IGF1R: variants seen among roughly 807,000 people sequenced by gnomAD.
IGF1R encodes the protein insulin-like growth factor 1 receptor.
A neutral mutation model predicts 144.6 loss-of-function variants in IGF1R; 44 were observed. The ratio of observed to expected loss-of-function variants is 0.30; its 90% confidence interval spans 0.24 to 0.39. IGF1R has a LOEUF of 0.39. Ranked by LOEUF, IGF1R falls within the 10% of genes least tolerant of loss-of-function variation. The probability of loss-of-function intolerance (pLI) is 1.00; values close to 1 mark genes in which losing one functional copy is unlikely to be tolerated. For missense variants in IGF1R, 1,355 were observed against 1,833.7 expected (o/e 0.74, Z 4.77); for synonymous variants, 795 against 722.8 (o/e 1.10, Z -1.60).
At chr15:98,710,741 A>G (rs1292091734) in intron 2 of IGF1R, among the ~76,000 whole-genome samples, 1 of 148,126 alleles carries the variant, frequency 6.8e-6, no homozygotes, top group East Asian at 2.0e-4. Flanking sequence ...ATCTCGGCTC[A>G]CTGCAACCTC....
At chr15:98,737,177 A>C (rs1401151686) in intron 2 of IGF1R, among the ~76,000 whole-genome samples, 1 of 152,120 alleles carries the variant, frequency 6.6e-6, no homozygotes, top group African/African-American at 2.4e-5. Flanking sequence ...CTTGTGTTTA[A>C]TTACTTCCTG....
intron 2 of IGF1R, among the ~76,000 whole-genome samples, chr15:98,850,043 CAT>C (rs775852014): frequency 3.3e-5 from 5 of 152,226 alleles, no homozygotes; most frequent in South Asian, 4.1e-4. Context: ...GCATTTACCC[CAT>C]AGACTTGCAC....
intron 1 of IGF1R, among the ~76,000 whole-genome samples, chr15:98,683,754 G>A (rs904451818): frequency 2.0e-5 from 3 of 152,084 alleles, no homozygotes; most frequent in African/African-American, 7.2e-5. Flanking sequence ...TTTTTAAGTT[G>A]GGAAAGGAAG....
Position 98,747,105 on chromosome 15 carries a change from G to A in IGF1R, c.640+38998G>A, listed in dbSNP as rs1446331606. ...TAAGTGCAGTGTAATGTAAAATCAA[G>A]CCGGCAACTCCAGCAATTTGCTCTT... On this transcript the variant is annotated intron_variant, in intron 2 of 20. Transcript: ENST00000650285. Among the ~76,000 whole-genome samples, 5 of 152,294 alleles carry A rather than the reference G, an allele frequency of 3.3e-5. No homozygotes were observed. In the South Asian group the frequency reaches 1.0e-3, roughly 32 times the overall value.
intron 1 of IGF1R, among the ~76,000 whole-genome samples, chr15:98,660,840 G>A (rs569728085): frequency 5.3e-5 from 8 of 152,248 alleles, no homozygotes; most frequent in Admixed American, 3.9e-4. Flanking sequence ...CATTGGCACC[G>A]ATTTATGTCT....
At chr15:98,802,653 A>T (rs1368684446) in intron 2 of IGF1R, among the ~76,000 whole-genome samples, 1 of 152,240 alleles carries the variant, frequency 6.6e-6, no homozygotes, top group African/African-American at 2.4e-5. Context: ...ATTTCTGTGG[A>T]CGTGCAAACA....
intron 2 of IGF1R, among the ~76,000 whole-genome samples, chr15:98,767,755 C>T (rs1156513241): frequency 1.3e-5 from 2 of 152,282 alleles, no homozygotes; most frequent in Non-Finnish European, 1.5e-5. Context: ...CATGTTGTTT[C>T]ATCTGACAGT....
At position 98,964,152 on chromosome 15, in the gene IGF1R, G is replaced by A; in HGVS notation, c.*6710G>A. Reference sequence around the variant, plus strand: ...GGGATAAAAAAAATCAAACCAGAAGGCGGGATGGAATGGATGCACCGCAAA... The same window carrying A: ...GGGATAAAAAAAATCAAACCAGAAGACGGGATGGAATGGATGCACCGCAAA... On this transcript the variant is annotated 3_prime_UTR_variant, in exon 21 of 21. Coordinates refer to ENST00000650285, the MANE Select transcript of IGF1R (RefSeq NM_000875.5). 1 of 232,838 alleles carries A rather than the reference G, an allele frequency of 4.3e-6. No individual in the cohort carries two copies. The highest frequency in any genetic ancestry group is 8.5e-6 in the Non-Finnish European group (1 of 117,694). The allele number at this position is 232,838 out of a possible 1,614,324, so 14.4% of individuals were successfully genotyped here. A position where few individuals can be genotyped will look rare whatever the true frequency, so the allele number is the denominator to read the frequency against.
intron 2 of IGF1R, among the ~76,000 whole-genome samples, chr15:98,751,901 C>T (rs546444796): frequency 6.6e-6 from 1 of 152,272 alleles, no homozygotes; most frequent in African/African-American, 2.4e-5. Flanking sequence ...CCACCCTTTC[C>T]CTTCCCCAGC....
intron 13 of IGF1R, among the ~76,000 whole-genome samples, chr15:98,926,696 G>A (rs1176396099): frequency 1.3e-5 from 2 of 152,188 alleles, no homozygotes; most frequent in Non-Finnish European, 2.9e-5. Flanking sequence ...AAGCAGGATG[G>A]GGTGAATAGA....
intron 2 of IGF1R, among the ~76,000 whole-genome samples, chr15:98,715,224 C>G (rs2054086178): frequency 6.6e-6 from 1 of 152,208 alleles, no homozygotes; most frequent in African/African-American, 2.4e-5. Context: ...AGTTTGTGTG[C>G]AGGTTCCCTG....
At chr15:98,782,046 G>A (rs2055872624) in intron 2 of IGF1R, among the ~76,000 whole-genome samples, 1 of 151,978 alleles carries the variant, frequency 6.6e-6, no homozygotes, top group African/African-American at 2.4e-5. Context: ...CTGTCTGCTT[G>A]TGAACTCCTG....
intron 2 of IGF1R, among the ~76,000 whole-genome samples, chr15:98,885,631 A>C (rs530543744): frequency 4.5e-4 from 68 of 152,296 alleles, no homozygotes; most frequent in Non-Finnish European, 7.4e-4. Context: ...CAACCCAGAA[A>C]CAGCTGAGAT....
intron 5 of IGF1R, 27 bp from the exon 6 acceptor site, chr15:98,908,658 C>T (rs772226238): frequency 4.5e-5 from 72 of 1,594,346 alleles, no homozygotes; most frequent in Admixed American, 4.4e-4. Flanking sequence ...AGGGCAGGTG[C>T]GCTAACATCG....
At chr15:98,768,492 A>G (rs2055493376) in intron 2 of IGF1R, among the ~76,000 whole-genome samples, 1 of 151,146 alleles carries the variant, frequency 6.6e-6, no homozygotes, top group Non-Finnish European at 1.5e-5. Flanking sequence ...GTGCGTGCCT[A>G]TAATTTCAGC....
intron 2 of IGF1R, among the ~76,000 whole-genome samples, chr15:98,805,721 A>G (rs1165468607): frequency 6.6e-6 from 1 of 152,268 alleles, no homozygotes; most frequent in Non-Finnish European, 1.5e-5. Context: ...ATAAAATCGT[A>G]AAGTAGTTCT....
chr15:98,794,948 C>T (rs1220907343), intron 2 of IGF1R, among the ~76,000 whole-genome samples: 1 of 152,200 alleles, frequency 6.6e-6, no homozygotes, highest in Non-Finnish European at 1.5e-5. Flanking sequence ...CTCCCCAACC[C>T]CAGCCTTCCC....
chr15:98,955,540 G>C (rs944879528), intron 20 of IGF1R, among the ~76,000 whole-genome samples: 1 of 152,230 alleles, frequency 6.6e-6, no homozygotes, highest in East Asian at 1.9e-4. Context: ...GGGCAGCCCC[G>C]GGTTAGGCCC....
intron 2 of IGF1R, among the ~76,000 whole-genome samples, chr15:98,869,106 G>A (rs898995973): frequency 1.3e-5 from 2 of 151,924 alleles, no homozygotes; most frequent in South Asian, 2.1e-4. Context: ...TCTCTTTTTC[G>A]AGGAAGGGGC....
Sources: gnomAD v4.1 joint callset for allele counts (sites outside exome capture counted in the v4.1 genomes callset) on GRCh38, gnomAD v4.1.1 for gene constraint, MANE v1.5 for transcripts, NCBI Gene and HGNC (gene_info 2026-07-23, HGNC 2026-07-21) for gene names.